The following FCRL6 variants were observed in gnomAD, a reference collection of about 807,000 sequenced individuals.
The protein encoded by FCRL6 is Fc receptor-like protein 6.
In FCRL6, 50 loss-of-function variants were observed where a neutral mutation model predicts 49.1. That is an observed-to-expected ratio of 1.02 (90% CI 0.81 to 1.29). FCRL6 has a LOEUF of 1.29. FCRL6 is among the 50% of genes most tolerant of loss of function. FCRL6 has a pLI of 0.00. For missense variants in FCRL6, 571 were observed against 518.5 expected (o/e 1.10, Z -0.98); for synonymous variants, 213 against 199.6 (o/e 1.07, Z -0.57).
intron 6 of FCRL6, among the ~76,000 whole-genome samples, chr1:159,811,565 T>C (rs1663087812): frequency 6.6e-6 from 1 of 152,172 alleles, no homozygotes; most frequent in South Asian, 2.1e-4. Flanking sequence ...TTCCCACCCC[T>C]AGTCCCAACA....
Position 159,815,969 on chromosome 1 carries a change from A to G in FCRL6, c.*308A>G, listed in dbSNP as rs1663380723. 1.3e-5 allele frequency: 4 copies of G among 314,988 alleles called. No homozygotes were observed. The highest frequency in any genetic ancestry group is 2.5e-5 in the Non-Finnish European group (4 of 161,754). The allele number at this position is 314,988 out of a possible 1,614,324, so 19.5% of individuals were successfully genotyped here. ...AGCATGTTAGTTCGCCCCAATATAC[A>G]TATATATATGAAATAGTCATGTGCC... On this transcript the variant is annotated 3_prime_UTR_variant, in exon 10 of 10. Coordinates refer to ENST00000368106, the MANE Select transcript of FCRL6 (RefSeq NM_001004310.3).
At position 159,815,568 on chromosome 1, in the gene FCRL6, C is replaced by G. The variant is rs1663354745; in HGVS notation, c.1212C>G (p.Cys404Trp). 1 of 1,614,172 alleles carries G rather than the reference C, an allele frequency of 6.2e-7. No individual in the cohort carries two copies. The highest frequency in any genetic ancestry group is 1.3e-5 in the African/African-American group (1 of 75,036). ...CTATCATCTGTGCGGAGGTGAGATG[C>G]CTGCAGCCCAGTGAGGTTTCATCCA... ...DSSIICAEVR[C>W]LQPSEVSSTE... Residue 404 changes from cysteine (C) to tryptophan (W), a missense_variant, in exon 10 of 10, where the codon TGC becomes TGG. Cys to Trp is a radical substitution (Grantham distance 215). Transcript: ENST00000368106.
chr1:159,808,364 A>G lies in FCRL6; in HGVS notation c.239A>G (p.Gln80Arg). 1 of 1,614,240 alleles carries G rather than the reference A, an allele frequency of 6.2e-7. No homozygotes were observed. The highest frequency in any genetic ancestry group is 8.5e-7 in the Non-Finnish European group (1 of 1,180,036). The change falls in exon 3 of 10, where the codon CAG becomes CGG. Residue 80 changes from glutamine to arginine, a missense_variant. By Grantham distance (43) the Gln-to-Arg change is conservative. Coordinates refer to ENST00000368106, the MANE Select transcript of FCRL6 (RefSeq NM_001004310.3). ...MGAATVQSRG[Q>R]YSCSGQVMYI... is the part of the protein sequence containing the mutation. ...GCAGCAACAGTGCAGAGCCGTGGCC[A>G]GTACAGCTGCTCTGGGCAGGTGATG...
At chr1:159,801,647 G>T (rs1454523506), upstream of FCRL6, among the ~76,000 whole-genome samples, 1 of 152,154 alleles carries the variant, frequency 6.6e-6, no homozygotes, top group East Asian at 1.9e-4. Context: ...CTAGTATGTT[G>T]TCTGTCCTTT....
chr1:159,800,818 G>A (rs138655507), upstream of FCRL6, among the ~76,000 whole-genome samples: 2 of 152,292 alleles, frequency 1.3e-5, no homozygotes, highest in African/African-American at 4.8e-5. Flanking sequence ...AATTCCATCA[G>A]ACTATGTAGA....
chr1:159,810,214 C>G lies in FCRL6; in HGVS notation c.1007C>G (p.Ala336Gly), dbSNP rs779840841. 9.3e-6 allele frequency: 15 copies of G among 1,611,686 alleles called. No homozygotes were observed. The South Asian group carries it at 1.7e-4, about 18-fold the overall frequency. The stretch of plus-strand genomic sequence containing the variant: ...GTTTATGTGAGATCCTGGAGAAAAG[C>G]TGGTCAGTAACTCCTCTTGGCTTTC... Reference protein sequence around the residue: ...LLVYVRSWRKAGPLPSQIPPT... With the variant: ...LLVYVRSWRKGGPLPSQIPPT... Residue 336 changes from alanine (A) to glycine (G), a missense_variant and splice_region_variant, in exon 6 of 10, where the codon GCT (alanine) becomes GGT (glycine). Coordinates refer to ENST00000368106, the MANE Select transcript of FCRL6 (RefSeq NM_001004310.3).
intron 6 of FCRL6, among the ~76,000 whole-genome samples, chr1:159,811,066 T>A (rs1047088628): frequency 6.6e-6 from 1 of 152,340 alleles, no homozygotes; most frequent in African/African-American, 2.4e-5. Flanking sequence ...AAAATTCTGA[T>A]GTAGAGGAAA....
chr1:159,812,285 C>T (rs1398084795), intron 6 of FCRL6, among the ~76,000 whole-genome samples: 1 of 152,222 alleles, frequency 6.6e-6, no homozygotes, highest in African/African-American at 2.4e-5. Context: ...GATCAATAGC[C>T]TTGTTCTCCA....
In FCRL6 at chr1:159,802,464, A is replaced by G; in HGVS notation, c.31+9A>G. 1 of 1,612,912 alleles carries G rather than the reference A, an allele frequency of 6.2e-7. No homozygotes were observed. The highest frequency in any genetic ancestry group is 8.5e-7 in the Non-Finnish European group (1 of 1,179,170). ...GGCTGTGCTGCTCTTTGGTAAGTCA[A>G]CGAGCATGGGCATCCCCTCTTGGAG... On this transcript the variant is annotated intron_variant, in intron 1 of 9. Coordinates refer to ENST00000368106, the MANE Select transcript of FCRL6 (RefSeq NM_001004310.3).
At position 159,814,196 on chromosome 1, in the gene FCRL6, A is replaced by G. The variant is rs771054457; in HGVS notation, c.1076-25A>G. The stretch of plus-strand genomic sequence containing the variant: ...GAGGTGGGAGAGTCAGGAGGATCCT[A>G]TTTAAGCCTCATTCCTTCTTCCAGT... On this transcript the variant is annotated intron_variant, in intron 7 of 9. Coordinates refer to ENST00000368106, the MANE Select transcript of FCRL6 (RefSeq NM_001004310.3). 6.2e-6 allele frequency: 10 copies of G among 1,608,746 alleles called. No individual in the cohort carries two copies. In the Admixed American group the frequency reaches 1.2e-4, roughly 19 times the overall value.
At chr1:159,801,378 C>T (rs1207082411), upstream of FCRL6, among the ~76,000 whole-genome samples, 4 of 152,190 alleles carry the variant, frequency 2.6e-5, no homozygotes, top group East Asian at 1.9e-4. Flanking sequence ...TAGTGGTGTA[C>T]AAGAGTTCTA....
Position 159,809,182 on chromosome 1 carries a change from G to A in FCRL6, c.541G>A (p.Glu181Lys). The stretch of plus-strand genomic sequence containing the variant: ...GGGAGACTCTGGGCTTTACTGGTGT[G>A]AGGTGGCCCCTGAGGGTGGCCAGGT... The part of the protein sequence containing the change: ...KEGDSGLYWC[E>K]VAPEGGQVQK... The change falls in exon 4 of 10, where the codon GAG (glutamate) becomes AAG (lysine). Residue 181 changes from glutamate to lysine, a missense_variant. By Grantham distance (56) the Glu-to-Lys change is moderately conservative (BLOSUM62 1). Coordinates refer to ENST00000368106, the MANE Select transcript of FCRL6 (RefSeq NM_001004310.3). 1 of 1,609,194 alleles carries A rather than the reference G, an allele frequency of 6.2e-7. No individual in the cohort carries two copies. Among genetic ancestry groups the A allele is most frequent in the Non-Finnish European group, 8.5e-7 (1 of 1,177,782 alleles).
chr1:159,813,585 C>T, intron 7 of FCRL6, 31 bp downstream of exon 7: 2 of 1,595,166 alleles, frequency 1.3e-6, no homozygotes, highest in East Asian at 2.2e-5. Context: ...GGTGGTGTGC[C>T]CATGTGGGCC....
chr1:159,808,072 C>G, intron 2 of FCRL6, 106 bp from the exon 3 acceptor site: 1 of 1,310,530 alleles, frequency 7.6e-7, no homozygotes, highest in South Asian at 1.4e-5. Context: ...CAGTGCCATC[C>G]AAGGGCCTCC....
Position 159,809,517 on chromosome 1 carries a change from C to T in FCRL6, c.720C>T (p.Ser240=), listed in dbSNP as rs1188978807. 1 of 1,614,082 alleles carries T rather than the reference C, an allele frequency of 6.2e-7. No homozygotes were observed. Among genetic ancestry groups the T allele is most frequent in the Non-Finnish European group, 8.5e-7 (1 of 1,180,030 alleles). The part of the protein sequence containing the change: ...AQRGSPPILY[S]FYLDEKIVGN... ...GGGGCTCCCCTCCGATCCTGTATTC[C>T]TTCTACCTTGATGAGAAGATTGTGG... Residue 240 remains serine (S), a synonymous_variant, in exon 5 of 10, where the codon TCC becomes TCT. Coordinates refer to ENST00000368106, the MANE Select transcript of FCRL6 (RefSeq NM_001004310.3).
chr1:159,809,963 C>T, intron 5 of FCRL6, 131 bp from the exon 6 acceptor site: 1 of 1,155,476 alleles, frequency 8.7e-7, no homozygotes, highest in Non-Finnish European at 1.2e-6. Flanking sequence ...CCTTCATGCC[C>T]ATCTATGAGG....
In FCRL6 at chr1:159,815,678, T is replaced by A; in HGVS notation, c.*17T>A. The stretch of plus-strand genomic sequence containing the variant: ...CTCTGCTAGTGATGGTGTTCTCCTA[T>A]CAACACACGCCCACCCCCAGTCTCC... On this transcript the variant is annotated 3_prime_UTR_variant, in exon 10 of 10. Transcript: ENST00000368106. 6.2e-7 allele frequency: 1 copy of A among 1,613,676 alleles called. No individual in the cohort carries two copies. The highest frequency in any genetic ancestry group is 8.5e-7 in the Non-Finnish European group (1 of 1,179,966).
intron 2 of FCRL6, among the ~76,000 whole-genome samples, chr1:159,807,086 A>C (rs958808485): frequency 6.6e-6 from 1 of 152,156 alleles, no homozygotes; most frequent in Non-Finnish European, 1.5e-5. Context: ...AACAGGAAAA[A>C]ATTCTGATCT....
Position 159,815,840 on chromosome 1 carries a change from G to A in FCRL6, c.*179G>A. The A allele has an allele frequency of 1.5e-6, 1 of 653,670 alleles. No homozygotes were observed. Among genetic ancestry groups the A allele is most frequent in the South Asian group, 1.9e-5 (1 of 51,322 alleles). 40.5% of individuals were successfully genotyped at this position (653,670 alleles called of 1,614,324 possible). On this transcript the variant is annotated 3_prime_UTR_variant, in exon 10 of 10. Transcript: ENST00000368106. ...ACCCTGGGTTCTTTTCTTAGCAGAA[G>A]ACCAACCAATGGAATGGGAAGGGAG...
Sources: allele counts gnomAD v4.1 joint callset (sites outside exome capture counted in the v4.1 genomes callset), GRCh38; gene constraint gnomAD v4.1.1; transcripts MANE v1.5; gene names NCBI Gene and HGNC (gene_info 2026-07-23, HGNC 2026-07-21).